The following NAALADL2 variants were observed in gnomAD, a reference collection of about 807,000 sequenced individuals.
NAALADL2 encodes N-acetylated alpha-linked acidic dipeptidase like 2, also known as inactive N-acetylated-alpha-linked acidic dipeptidase-like protein 2.
Under a neutral mutation model 87.2 loss-of-function variants are expected in NAALADL2, and 76 were observed. The ratio of observed to expected loss-of-function variants is 0.87; its 90% CI spans 0.72 to 1.05. The LOEUF is 1.05. Ranked by LOEUF, NAALADL2 falls within the 50% of genes least tolerant of loss-of-function variation. NAALADL2 has a pLI of 0.00. For synonymous variants in NAALADL2, 354 were observed against 331.0 expected (o/e 1.07, Z -0.75); for missense variants, 1,089 against 945.8 (o/e 1.15, Z -1.99).
At chr3:175,061,488 A>G (rs1289970677) in intron 1 of NAALADL2, among the ~76,000 whole-genome samples, 3 of 152,094 alleles carry the variant, frequency 2.0e-5, no homozygotes, top group African/African-American at 7.2e-5. Flanking sequence ...CAAATGCACA[A>G]CTTCATAGTC....
chr3:174,570,390 G>T (rs151080055), intron 2 of NAALADL2, among the ~76,000 whole-genome samples: 1 of 151,974 alleles, frequency 6.6e-6, no homozygotes, highest in African/African-American at 2.4e-5. Context: ...TCATAATTAA[G>T]TAAGAAATAA....
chr3:175,714,328 C>T (rs932072404), intron 11 of NAALADL2, among the ~76,000 whole-genome samples: 21 of 152,108 alleles, frequency 1.4e-4, no homozygotes, highest in African/African-American at 5.1e-4. Flanking sequence ...AATGGTTGAA[C>T]TAATTTATGC....
intron 13 of NAALADL2, 73 bp downstream of exon 13, chr3:175,755,491 A>T (rs1747151837): frequency 8.9e-7 from 1 of 1,121,070 alleles, no homozygotes. Flanking sequence ...CAGAATACAT[A>T]CCTTCTATGA....
intron 2 of NAALADL2, among the ~76,000 whole-genome samples, chr3:175,120,201 T>C (rs6762574): frequency 0.6 from 91,594 of 151,426 alleles, 28,209 homozygotes; most frequent in African/African-American, 0.73. Flanking sequence ...TACTTGTGTT[T>C]CATCTTTTCC....
intron 9 of NAALADL2, among the ~76,000 whole-genome samples, chr3:175,516,248 A>G (rs1411065978): frequency 3.3e-5 from 5 of 152,210 alleles, no homozygotes; most frequent in Non-Finnish European, 7.3e-5. Flanking sequence ...TAGGACTATG[A>G]GATAGCCCTA....
intron 1 of NAALADL2, chr3:174,864,024 TCAAAA>T (rs1332624079): frequency 6.6e-6 from 3 of 455,090 alleles, no homozygotes; most frequent in African/African-American, 4.0e-5. Context: ...TCTCATAATC[TCAAAA>T]CAAAATCAAG....
chr3:175,684,151 CT>C (rs895886418), intron 11 of NAALADL2, among the ~76,000 whole-genome samples: 13 of 145,348 alleles, frequency 8.9e-5, no homozygotes, highest in African/African-American at 3.6e-4. Flanking sequence ...ATGGCAATCA[CT>C]TTAAAAAAAA....
chr3:174,642,329 C>T lies in NAALADL2; in HGVS notation c.-115+91692C>T, dbSNP rs191302014. On this transcript the variant is annotated intron_variant, in intron 2 of 3. Coordinates refer to the NAALADL2 transcript ENST00000434257. ...CAGCCTGGCCAACATGGTGAAACCC[C>T]GTCTCTACTAAAAATGCAAAAATTA... 4.0e-5 allele frequency among the ~76,000 whole-genome samples: 6 copies of T among 151,748 alleles called. No homozygotes were observed. In the South Asian group the frequency reaches 1.3e-3, roughly 32 times the overall value.
intron 3 of NAALADL2, among the ~76,000 whole-genome samples, chr3:174,793,451 A>C (rs942180185): frequency 1.3e-5 from 2 of 152,148 alleles, no homozygotes; most frequent in Non-Finnish European, 2.9e-5. Flanking sequence ...ACTTGGCAAT[A>C]CTATGTGGTA....
At chr3:174,681,123 C>T (rs1239288421) in intron 2 of NAALADL2, among the ~76,000 whole-genome samples, 1 of 152,226 alleles carries the variant, frequency 6.6e-6, no homozygotes, top group Admixed American at 6.5e-5. Flanking sequence ...TCAGCTGATG[C>T]CTGTGGAGGG....
Position 175,097,075 on chromosome 3 carries a change from A to T in NAALADL2, c.329A>T (p.Tyr110Phe). Residue 110 changes from tyrosine to phenylalanine, a missense_variant, in exon 2 of 14, where the codon TAT becomes TTT. Physicochemically the swap from Tyr to Phe is conservative, Grantham distance 22 (BLOSUM62 3). Coordinates refer to ENST00000454872, the MANE Select transcript of NAALADL2 (RefSeq NM_207015.3). ...LQEESDYITH[Y>F]TRSAPKSNRC... is the part of the protein sequence containing the mutation. ...GAAGAATCTGACTACATTACCCATT[A>T]TACACGATCTGCACCAAAGAGCAAT... 6.2e-7 allele frequency: 1 copy of T among 1,613,790 alleles called. No homozygotes were observed. The highest frequency in any genetic ancestry group is 8.5e-7 in the Non-Finnish European group (1 of 1,179,730).
chr3:174,662,716 G>C (rs955170883), intron 2 of NAALADL2, among the ~76,000 whole-genome samples: 1 of 152,202 alleles, frequency 6.6e-6, no homozygotes, highest in African/African-American at 2.4e-5. Flanking sequence ...AGAAAATGTA[G>C]CTTGGCTATG....
In NAALADL2 at chr3:175,264,690, A is replaced by G. The variant is rs140628038; in HGVS notation, c.939+8160A>G. On this transcript the variant is annotated intron_variant, in intron 4 of 13. Coordinates refer to ENST00000454872, the MANE Select transcript of NAALADL2 (RefSeq NM_207015.3). ...AATAAATATAACTTGACTTTAAATT[A>G]TGGAGAAATATAAATAATGTCATAA... is the stretch of plus-strand genomic sequence containing the variant. Among the ~76,000 whole-genome samples the G allele has an allele frequency of 2.7e-4, 41 of 151,908 alleles. No individual in the cohort carries two copies. In the East Asian group the frequency reaches 7.9e-3, roughly 29 times the overall value.
chr3:175,784,644 CA>C (rs1437223112), intron 13 of NAALADL2, among the ~76,000 whole-genome samples: 1 of 141,790 alleles, frequency 7.1e-6, no homozygotes, highest in African/African-American at 2.8e-5. Context: ...TTGATCCTTT[CA>C]AAAAACCAGC....
chr3:175,153,912 C>G (rs940973152), intron 2 of NAALADL2, among the ~76,000 whole-genome samples: 4 of 152,170 alleles, frequency 2.6e-5, no homozygotes, highest in South Asian at 2.1e-4. Flanking sequence ...CTGAAGGGAG[C>G]TTTTATTAAC....
intron 2 of NAALADL2, among the ~76,000 whole-genome samples, chr3:174,652,508 A>G (rs1724469929): frequency 6.6e-6 from 1 of 152,210 alleles, no homozygotes; most frequent in South Asian, 2.1e-4. Flanking sequence ...CATGTCTTAC[A>G]TGGCAGCAGG....
chr3:174,722,014 A>T (rs1731754593), intron 2 of NAALADL2, among the ~76,000 whole-genome samples: 1 of 152,224 alleles, frequency 6.6e-6, no homozygotes, highest in Non-Finnish European at 1.5e-5. Flanking sequence ...AACAGCCAAG[A>T]CCAAGAGCTC....
intron 1 of NAALADL2, among the ~76,000 whole-genome samples, chr3:174,992,302 T>A: frequency 6.6e-6 from 1 of 152,108 alleles, no homozygotes; most frequent in East Asian, 1.9e-4. Flanking sequence ...AAAGTGAGGA[T>A]CAGTTGTGAT....
intron 1 of NAALADL2, among the ~76,000 whole-genome samples, chr3:174,983,752 C>T (rs953511882): frequency 6.6e-6 from 1 of 152,100 alleles, no homozygotes; most frequent in Non-Finnish European, 1.5e-5. Flanking sequence ...CAGGTTTCAA[C>T]ATATTAATTT....
Sources: gnomAD v4.1 joint callset for allele counts (sites outside exome capture counted in the v4.1 genomes callset) on GRCh38, gnomAD v4.1.1 for gene constraint, MANE v1.5 for transcripts, NCBI Gene and HGNC (gene_info 2026-07-23, HGNC 2026-07-21) for gene names.